Variants in SEMA5A observed in about 807,000 individuals in gnomAD.
SEMA5A encodes the protein semaphorin-5A.
SEMA5A carries 55 observed loss-of-function variants against 135.5 expected under a neutral mutation model. The observed-to-expected ratio is 0.41, with a 90% CI of 0.33 to 0.51. SEMA5A has a LOEUF of 0.51. Among genes scored for constraint, SEMA5A ranks in the 20% least tolerant of loss-of-function variants. The probability of loss-of-function intolerance (pLI) is 0.37; values close to 1 mark genes in which losing one functional copy is unlikely to be tolerated. For synonymous variants in SEMA5A, 580 were observed against 546.5 expected (o/e 1.06, Z -0.85); for missense variants, 1,290 against 1,419.9 (o/e 0.91, Z 1.47).
chr5:9,055,297 G>A (rs745899481), intron 18 of SEMA5A, among the ~76,000 whole-genome samples: 20 of 152,194 alleles, frequency 1.3e-4, no homozygotes, highest in Admixed American at 6.5e-4. Flanking sequence ...GCTACAGGAC[G>A]TTGTCAAACA....
chr5:9,232,036 G>A (rs542226475), intron 6 of SEMA5A, among the ~76,000 whole-genome samples: 5 of 152,280 alleles, frequency 3.3e-5, no homozygotes, highest in African/African-American at 1.2e-4. Flanking sequence ...CGAGGAGCAT[G>A]GTTGCTGACT....
At chr5:9,340,283 A>G (rs139150531) in intron 3 of SEMA5A, among the ~76,000 whole-genome samples, 3 of 152,228 alleles carry the variant, frequency 2.0e-5, no homozygotes, top group Admixed American at 2.0e-4. Flanking sequence ...GTTCACCACA[A>G]CTCACAGCCC....
At chr5:9,311,639 A>T (rs553802751) in intron 5 of SEMA5A, among the ~76,000 whole-genome samples, 3 of 152,010 alleles carry the variant, frequency 2.0e-5, no homozygotes, top group Non-Finnish European at 4.4e-5. Context: ...ATATACCTAA[A>T]GCTAAATGAT....
intron 2 of SEMA5A, chr5:9,390,815 C>T (rs1756127122): frequency 6.6e-6 from 1 of 152,110 alleles, no homozygotes; most frequent in African/African-American, 2.4e-5. Context: ...ATTTCACTAA[C>T]TAGACAATAA....
chr5:9,410,295 T>C (rs1316057594), intron 2 of SEMA5A, among the ~76,000 whole-genome samples: 1 of 152,222 alleles, frequency 6.6e-6, no homozygotes, highest in Non-Finnish European at 1.5e-5. Flanking sequence ...AAATACAGTA[T>C]GTATGACTAA....
Position 9,252,668 on chromosome 5 carries a change from A to G in SEMA5A, c.271-14778T>C, listed in dbSNP as rs1040431298. On this transcript the variant is annotated intron_variant, in intron 5 of 22. Coordinates refer to ENST00000382496, the MANE Select transcript of SEMA5A (RefSeq NM_003966.3). ...AGCCTTATGTACTGGAGATGGTAGG[A>G]CAGATCCATCCATTATTCAAGCACA... Among the ~76,000 whole-genome samples, 3 of 152,304 alleles carry G rather than the reference A, an allele frequency of 2.0e-5. No individual in the cohort carries two copies. The South Asian group carries it at 6.2e-4, about 32-fold the overall frequency.
chr5:9,237,928 G>C, intron 5 of SEMA5A, 38 bp from the exon 6 acceptor site: 2 of 1,593,462 alleles, frequency 1.3e-6, no homozygotes, highest in Non-Finnish European at 1.7e-6. Flanking sequence ...TCATGGTTTT[G>C]ACTAAATAAA....
intron 1 of SEMA5A, among the ~76,000 whole-genome samples, chr5:9,480,195 C>T (rs551305727): frequency 1.3e-5 from 2 of 152,258 alleles, no homozygotes; most frequent in African/African-American, 4.8e-5. Context: ...CAGATGTCCC[C>T]TGAGGGCAAA....
At position 9,300,917 on chromosome 5, in the gene SEMA5A, T is replaced by A. The variant is rs1394223910; in HGVS notation, c.270+17455A>T. ...GTCTTCAAAGGGAGTGGAGCCCTGC[T>A]GATATCTCAGTTTCTGACTTCCAGG... On this transcript the variant is annotated intron_variant, in intron 5 of 22. Transcript: ENST00000382496. 2.6e-5 allele frequency among the ~76,000 whole-genome samples: 4 copies of A among 152,324 alleles called. No individual in the cohort carries two copies. The East Asian group carries it at 7.7e-4, about 29-fold the overall frequency.
chr5:9,456,482 A>AC (rs1369387672), intron 1 of SEMA5A, among the ~76,000 whole-genome samples: 1 of 151,568 alleles, frequency 6.6e-6, no homozygotes, highest in Non-Finnish European at 1.5e-5. Flanking sequence ...GACAAGTAGA[A>AC]AAAAAGGAAG....
chr5:9,303,796 A>T (rs376284375), intron 5 of SEMA5A, among the ~76,000 whole-genome samples: 6 of 152,208 alleles, frequency 3.9e-5, no homozygotes, highest in African/African-American at 1.4e-4. Flanking sequence ...AAAGAAACAA[A>T]AGACAATCCT....
chr5:9,447,667 C>A (rs1758484308), intron 1 of SEMA5A, among the ~76,000 whole-genome samples: 1 of 152,148 alleles, frequency 6.6e-6, no homozygotes, highest in African/African-American at 2.4e-5. Flanking sequence ...TAATTCTGTT[C>A]TATTTGTCAT....
intron 1 of SEMA5A, among the ~76,000 whole-genome samples, chr5:9,468,256 G>A (rs1056702335): frequency 1.7e-4 from 26 of 152,110 alleles, no homozygotes; most frequent in Admixed American, 1.6e-3. Flanking sequence ...CAGTAATTTT[G>A]CCCAATTAGA....
intron 1 of SEMA5A, among the ~76,000 whole-genome samples, chr5:9,469,101 C>T (rs1214777288): frequency 6.6e-6 from 1 of 152,128 alleles, no homozygotes; most frequent in Non-Finnish European, 1.5e-5. Context: ...CTCCGCCTCC[C>T]AGATTCAAGC....
Position 9,531,854 on chromosome 5 carries a change from C to G in SEMA5A, c.-175+13730G>C, listed in dbSNP as rs181810386. On this transcript the variant is annotated intron_variant, in intron 1 of 22. Transcript: ENST00000382496. ...ACTACCATTTACCCTAGTATCTTTG[C>G]TGGAGCAAGACACACTAAAAGCAAA... is the stretch of plus-strand genomic sequence containing the variant. Among the ~76,000 whole-genome samples the G allele has an allele frequency of 2.8e-4, 42 of 152,286 alleles. No homozygotes were observed. The East Asian group carries it at 8.1e-3, about 29-fold the overall frequency.
intron 1 of SEMA5A, among the ~76,000 whole-genome samples, chr5:9,451,997 A>T (rs1264107965): frequency 6.6e-6 from 1 of 152,244 alleles, no homozygotes; most frequent in Non-Finnish European, 1.5e-5. Flanking sequence ...CGTTAGCCCT[A>T]CACTTAATCT....
intron 1 of SEMA5A, among the ~76,000 whole-genome samples, chr5:9,538,672 G>A (rs1466907743): frequency 6.6e-6 from 1 of 152,216 alleles, no homozygotes; most frequent in African/African-American, 2.4e-5. Flanking sequence ...GAGTTTAACT[G>A]ATTTAATCTG....
At position 9,066,485 on chromosome 5, in the gene SEMA5A, C is replaced by T. The variant is rs144501622; in HGVS notation, c.2235G>A (p.Val745=). ...ARLADPNLLE[V]GRQRIEMRYC... ...ACCGCATTTCGATTCTCTGTCTTCC[C>T]ACTTCCAGCAAATTCGGATCAGCCA... The change falls in exon 17 of 23, where the codon GTG becomes GTA. Residue 745 remains valine, a synonymous_variant. Transcript: ENST00000382496. 27 of 1,614,186 alleles carry T rather than the reference C, an allele frequency of 1.7e-5. No individual in the cohort carries two copies. The African/African-American group carries it at 3.3e-4, about 20-fold the overall frequency.
At chr5:9,079,266 A>T (rs907275157) in intron 16 of SEMA5A, among the ~76,000 whole-genome samples, 2 of 152,142 alleles carry the variant, frequency 1.3e-5, no homozygotes, top group Non-Finnish European at 2.9e-5. Context: ...CTCACTCAAA[A>T]CCACACAACT....
Sources: gnomAD v4.1 joint callset for allele counts (sites outside exome capture counted in the v4.1 genomes callset) on GRCh38, gnomAD v4.1.1 for gene constraint, MANE v1.5 for transcripts, NCBI Gene and HGNC (gene_info 2026-07-23, HGNC 2026-07-21) for gene names.